The following AFF2 variants were observed in gnomAD, a reference collection of about 807,000 sequenced individuals.
The protein encoded by AFF2 is ALF transcription elongation factor 2.
A neutral mutation model predicts 76.9 loss-of-function variants in AFF2; 14 were observed. The observed-to-expected ratio is 0.18, with a 90% CI of 0.12 to 0.28. AFF2 has a LOEUF of 0.28. Ranked by LOEUF, AFF2 falls within the 10% of genes least tolerant of loss-of-function variation. The probability of loss-of-function intolerance (pLI) is 1.00; values close to 1 mark genes in which losing one functional copy is unlikely to be tolerated. For synonymous variants in AFF2, 398 were observed against 366.7 expected, an observed-to-expected ratio of 1.09 and a Z score of -0.98; for missense variants, 868 against 1,001.1, an observed-to-expected ratio of 0.87 and a Z score of 1.79.
chrX:148,789,104 A>C (rs1317812937), intron 3 of AFF2, among the ~76,000 whole-genome samples: 1 of 112,388 alleles, frequency 8.9e-6, no homozygotes, highest in African/African-American at 3.2e-5. Context: ...CTTCTTTCAA[A>C]GTGATTATTA....
At chrX:148,664,658 C>T (rs1182111449) in intron 3 of AFF2, among the ~76,000 whole-genome samples, 1 of 112,538 alleles carries the variant, frequency 8.9e-6, no homozygotes, top group East Asian at 2.8e-4. Flanking sequence ...CAAGGAATAC[C>T]TCATTCTCTC....
intron 3 of AFF2, among the ~76,000 whole-genome samples, chrX:148,719,649 G>A (rs988143036): frequency 8.9e-6 from 1 of 111,801 alleles, no homozygotes; most frequent in Non-Finnish European, 1.9e-5. Flanking sequence ...CTAAGTGGTC[G>A]TGGGGATCAA....
chrX:148,873,254 C>CCCTGATAGGAG (rs1464890121), intron 7 of AFF2, among the ~76,000 whole-genome samples: 1 of 110,228 alleles, frequency 9.1e-6, no homozygotes, highest in Non-Finnish European at 1.9e-5. Context: ...CAGTACAGGG[C>CCCTGATAGGAG]CCTGATAGGA....
intron 8 of AFF2, among the ~76,000 whole-genome samples, chrX:148,897,024 C>A (rs1557280366): frequency 9.6e-6 from 1 of 104,440 alleles, no homozygotes; most frequent in African/African-American, 3.5e-5. Context: ...CATTTATCTT[C>A]CCACATCAAG....
intron 1 of AFF2, among the ~76,000 whole-genome samples, chrX:148,528,922 C>T (rs1197401057): frequency 9.0e-6 from 1 of 110,707 alleles, no homozygotes; most frequent in Non-Finnish European, 1.9e-5. Flanking sequence ...ATACAAATTT[C>T]TTTCAGGTCA....
intron 19 of AFF2, 26 bp downstream of exon 19, chrX:148,980,816 T>G (rs369565593): frequency 3.4e-5 from 38 of 1,122,513 alleles, no homozygotes; most frequent in Non-Finnish European, 4.6e-5. Context: ...AAATTGCTTT[T>G]TCGTGAAGAT....
At chrX:148,674,675 C>G (rs1449797526) in intron 3 of AFF2, among the ~76,000 whole-genome samples, 1 of 111,700 alleles carries the variant, frequency 9.0e-6, no homozygotes, top group Non-Finnish European at 1.9e-5. Context: ...TGTCTGGACT[C>G]CCAGCGCAGG....
Position 148,885,915 on chromosome X carries a change from G to T in AFF2, c.1289G>T (p.Ser430Ile), listed in dbSNP as rs782562845. 8.3e-7 allele frequency: 1 copy of T among 1,210,602 alleles called. No homozygotes were observed. The highest frequency in any genetic ancestry group is 1.8e-5 in the South Asian group (1 of 56,952). ...KSMLEDDLKL[S>I]SDEDDLEPVK... ...ATGCTTGAGGATGACCTGAAGCTGA[G>T]CAGTGATGAAGATGACCTTGAGCCT... is the stretch of plus-strand genomic sequence containing the variant. Residue 430 changes from serine (S) to isoleucine (I), a missense_variant, in exon 8 of 21, where the codon AGC becomes ATC. Coordinates refer to ENST00000370460, the MANE Select transcript of AFF2 (RefSeq NM_002025.4).
chrX:148,754,178 T>C (rs782792595), intron 3 of AFF2, among the ~76,000 whole-genome samples: 1 of 111,530 alleles, frequency 9.0e-6, no homozygotes, highest in South Asian at 3.8e-4. Context: ...ACAAAACACA[T>C]TGATTATACA....
At chrX:148,620,679 C>T (rs1306733513) in intron 1 of AFF2, among the ~76,000 whole-genome samples, 1 of 110,842 alleles carries the variant, frequency 9.0e-6, no homozygotes, top group African/African-American at 3.3e-5. Context: ...AGTCTTTTTA[C>T]GTATCCCTAC....
At chrX:148,619,805 A>G (rs782293772) in intron 1 of AFF2, among the ~76,000 whole-genome samples, 1 of 111,926 alleles carries the variant, frequency 8.9e-6, no homozygotes, top group Non-Finnish European at 1.9e-5. Context: ...TTCCCAAACC[A>G]CAGTCTTGAT....
At position 148,966,991 on chromosome X, in the gene AFF2, C is replaced by A. The variant is rs983665465; in HGVS notation, c.3115C>A (p.His1039Asn). 5.0e-6 allele frequency: 6 copies of A among 1,209,734 alleles called. No homozygotes were observed. The highest frequency in any genetic ancestry group is 6.7e-6 in the Non-Finnish European group (6 of 895,238). The change falls in exon 14 of 21, where the codon CAC becomes AAC. Residue 1039 changes from histidine (H) to asparagine (N), a missense_variant. Transcript: ENST00000370460. ...CACTACTGGCCTCATGGATAGCAGT[C>A]ACCTGGAGATGACGTCCTGGGCGGC... ...TITTGLMDSSHLEMTSWAALP... is the reference protein window; with the variant it reads ...TITTGLMDSSNLEMTSWAALP...
intron 3 of AFF2, among the ~76,000 whole-genome samples, chrX:148,746,564 C>G (rs1356186344): frequency 1.8e-5 from 2 of 112,573 alleles, no homozygotes; most frequent in Non-Finnish European, 3.8e-5. Context: ...ATTTAGGCTA[C>G]TGTTTTCTCT....
chrX:148,627,458 T>A (rs782388485), intron 1 of AFF2, among the ~76,000 whole-genome samples: 1 of 110,017 alleles, frequency 9.1e-6, no homozygotes, highest in Non-Finnish European at 1.9e-5. Context: ...GACAGAGGAG[T>A]GAGGGGCAAA....
intron 3 of AFF2, among the ~76,000 whole-genome samples, chrX:148,775,620 A>C (rs782324107): frequency 4.5e-5 from 5 of 111,782 alleles, no homozygotes; most frequent in Non-Finnish European, 7.5e-5. Flanking sequence ...TTTGGAGAGA[A>C]TCTTTCCTTG....
chrX:148,838,968 C>T (rs1557274055), intron 5 of AFF2, among the ~76,000 whole-genome samples: 1 of 111,724 alleles, frequency 9.0e-6, no homozygotes, highest in Non-Finnish European at 1.9e-5. Flanking sequence ...GCATTCACAC[C>T]CACCCTTTTT....
At chrX:148,983,965 A>AAAAAAAAAAAAAAAAAAAAAAAAAAAAAC (rs1438744109) in intron 19 of AFF2, among the ~76,000 whole-genome samples, 2 of 99,781 alleles carry the variant, frequency 2.0e-5, no homozygotes, top group African/African-American at 7.7e-5. Context: ...AAAAAAAAAA[A>AAAAAAAAAAAAAAAAAAAAAAAAAAAAAC]AAACTGCCCT....
intron 7 of AFF2, among the ~76,000 whole-genome samples, chrX:148,846,280 G>T (rs928924812): frequency 8.9e-6 from 1 of 112,129 alleles, no homozygotes; most frequent in Non-Finnish European, 1.9e-5. Flanking sequence ...AATTGGGGAA[G>T]TTTGGAGACC....
chrX:148,658,480 G>C (rs1275368770), intron 2 of AFF2, among the ~76,000 whole-genome samples: 3 of 111,929 alleles, frequency 2.7e-5, no homozygotes, highest in African/African-American at 6.5e-5. Context: ...CTGCACGCCT[G>C]GATTGTATTA....
Sources: allele counts gnomAD v4.1 joint callset (sites outside exome capture counted in the v4.1 genomes callset), GRCh38; gene constraint gnomAD v4.1.1; transcripts MANE v1.5; gene names NCBI Gene and HGNC (gene_info 2026-07-23, HGNC 2026-07-21).